S100A5: variants seen among roughly 807,000 people sequenced by gnomAD.
S100A5 encodes the protein S100 calcium binding protein A5.
Under a neutral mutation model 6.7 loss-of-function variants are expected in S100A5, and 5 were observed. The ratio of observed to expected loss-of-function variants is 0.75; its 90% confidence interval spans 0.39 to 1.57. S100A5 has a LOEUF of 1.57. S100A5 is among the 40% of genes most tolerant of loss of function. The pLI is 0.03. For missense variants in S100A5, 129 were observed against 110.8 expected (o/e 1.16, Z -0.74); for synonymous variants, 49 against 44.9 (o/e 1.09, Z -0.37).
At chr1:153,541,377 G>C, upstream of S100A5, 1 of 1,367,300 alleles carries the variant, frequency 7.3e-7, no homozygotes, top group Non-Finnish European at 9.8e-7. Context: ...TAGGAAGGAA[G>C]GACTTACCAC....
At chr1:153,538,432 G>C (rs188645969) in intron 2 of S100A5, among the ~76,000 whole-genome samples, 2 of 152,282 alleles carry the variant, frequency 1.3e-5, no homozygotes, top group Admixed American at 1.3e-4. Context: ...GAAACTGCTT[G>C]TCTGTCACGT....
At chr1:153,537,841 A>T (rs1665234694) in intron 2 of S100A5, among the ~76,000 whole-genome samples, 1 of 152,154 alleles carries the variant, frequency 6.6e-6, no homozygotes, top group Non-Finnish European at 1.5e-5. Flanking sequence ...TGACATCAGG[A>T]GTTCGAGACC....
upstream of S100A5, chr1:153,541,788 C>T (rs1464969372): frequency 1.7e-5 from 18 of 1,078,138 alleles, no homozygotes; most frequent in South Asian, 9.7e-5. Context: ...ACCATCTCCC[C>T]GTGTCCTAGG....
intron 2 of S100A5, among the ~76,000 whole-genome samples, chr1:153,539,438 AAAAAAAAAAAAAATAT>A (rs1665299893): frequency 1.8e-5 from 2 of 110,532 alleles, no homozygotes; most frequent in African/African-American, 9.3e-5. Context: ...AAAAAAAAAA[AAAAAAAAAAAAAATAT>A]ATATATATAT....
At chr1:153,543,212 C>G, upstream of S100A5, 2 of 985,386 alleles carry the variant, frequency 2.0e-6, no homozygotes, top group South Asian at 4.7e-5. Flanking sequence ...CCCTGCAACT[C>G]AGCCTTATTC....
At chr1:153,543,125 G>T, upstream of S100A5, 1 of 654,466 alleles carries the variant, frequency 1.5e-6, no homozygotes, top group Non-Finnish European at 1.9e-6. Context: ...GTGGGTGGCA[G>T]GACAGGGCCT....
chr1:153,542,412 C>T (rs1665419324), upstream of S100A5, among the ~76,000 whole-genome samples: 1 of 152,186 alleles, frequency 6.6e-6, no homozygotes, highest in Non-Finnish European at 1.5e-5. Flanking sequence ...GTGGAGGCCC[C>T]AGGGAGGGCG....
chr1:153,537,463 G>C (rs759717802), intron 2 of S100A5, 27 bp from the exon 3 acceptor site: 34 of 1,611,932 alleles, frequency 2.1e-5, no homozygotes, highest in Non-Finnish European at 2.2e-5. Context: ...TGGAGAGACA[G>C]CTCAGACCCC....
upstream of S100A5, chr1:153,543,185 T>C: frequency 4.1e-6 from 4 of 983,092 alleles, no homozygotes; most frequent in Non-Finnish European, 4.8e-6. Flanking sequence ...CATCCCACTC[T>C]CGCCTAAATA....
intron 2 of S100A5, among the ~76,000 whole-genome samples, chr1:153,539,429 A>C (rs1198358877): frequency 3.2e-5 from 2 of 62,470 alleles, no homozygotes; most frequent in Non-Finnish European, 2.8e-5. Flanking sequence ...TCTCTCAAAA[A>C]AAAAAAAAAA....
At chr1:153,541,936 C>T, upstream of S100A5, 2 of 977,736 alleles carry the variant, frequency 2.0e-6, no homozygotes, top group Non-Finnish European at 2.4e-6. Flanking sequence ...TAATATGGGC[C>T]CAGAGGTTTT....
chr1:153,541,790 T>A, upstream of S100A5: 1 of 1,074,114 alleles, frequency 9.3e-7, no homozygotes, highest in Non-Finnish European at 1.1e-6. Context: ...CATCTCCCCG[T>A]GTCCTAGGAA....
At chr1:153,542,453 G>A (rs1014229401), upstream of S100A5, among the ~76,000 whole-genome samples, 3 of 152,192 alleles carry the variant, frequency 2.0e-5, no homozygotes, top group African/African-American at 7.2e-5. Flanking sequence ...AGAGGGCAGC[G>A]GAAGGCAGCA....
At chr1:153,541,951 G>C (rs1665404078), upstream of S100A5, 1 of 953,412 alleles carries the variant, frequency 1.0e-6, no homozygotes, top group Admixed American at 6.2e-5. Flanking sequence ...GGTTTTTAAA[G>C]GGCTTTTAAA....
upstream of S100A5, among the ~76,000 whole-genome samples, chr1:153,542,201 G>A (rs1469099648): frequency 6.6e-6 from 1 of 152,182 alleles, no homozygotes; most frequent in Non-Finnish European, 1.5e-5. Context: ...TTCTACCACA[G>A]TAGAACAACA....
chr1:153,538,148 C>T (rs1489757573), intron 2 of S100A5, among the ~76,000 whole-genome samples: 4 of 152,168 alleles, frequency 2.6e-5, no homozygotes, highest in East Asian at 1.9e-4. Context: ...AGAATAACCC[C>T]GGACAAAATG....
chr1:153,538,063 C>T lies in S100A5; in HGVS notation c.139-627G>A, dbSNP rs547931941. On this transcript the variant is annotated intron_variant, in intron 2 of 2. Transcript: ENST00000368717. ...CTCCTTCTCAAAAAAAAAAAAAGAA[C>T]ACCTTGCTGATTATGTGGCATTGAG... is the stretch of plus-strand genomic sequence containing the variant. Among the ~76,000 whole-genome samples the T allele has an allele frequency of 1.3e-4, 19 of 151,856 alleles. No individual in the cohort carries two copies. In the South Asian group the frequency reaches 3.7e-3, roughly 30 times the overall value.
At chr1:153,541,924 G>A (rs1665403655), upstream of S100A5, 2 of 981,860 alleles carry the variant, frequency 2.0e-6, no homozygotes, top group Non-Finnish European at 2.4e-6. Context: ...AAGGTCATGA[G>A]CTAATATGGG....
intron 2 of S100A5, among the ~76,000 whole-genome samples, chr1:153,537,718 A>C (rs1168651221): frequency 6.6e-6 from 1 of 152,184 alleles, no homozygotes; most frequent in Non-Finnish European, 1.5e-5. Flanking sequence ...CAGCCAAAGA[A>C]ACAATCATCT....
Sources: allele counts gnomAD v4.1 joint callset (sites outside exome capture counted in the v4.1 genomes callset), GRCh38; gene constraint gnomAD v4.1.1; transcripts MANE v1.5; gene names NCBI Gene and HGNC (gene_info 2026-07-23, HGNC 2026-07-21).